The following SPEF2 variants were observed in gnomAD, a reference collection of about 807,000 sequenced individuals.
SPEF2 encodes the protein sperm flagellar and cilia associated 2.
SPEF2 carries 187 observed loss-of-function variants against 224.6 expected under a neutral mutation model. The observed-to-expected ratio is 0.83, with a 90% CI of 0.74 to 0.94. The LOEUF is 0.94. SPEF2 is among the 40% of genes least tolerant of loss of function. SPEF2 has a pLI of 0.00. For synonymous variants in SPEF2, 715 were observed against 707.3 expected (o/e 1.01, Z -0.17); for missense variants, 2,170 against 2,135.6 (o/e 1.02, Z -0.32).
intron 21 of SPEF2, 47 bp from the exon 22 acceptor site, chr5:35,739,872 G>T: frequency 2.5e-6 from 4 of 1,603,382 alleles, no homozygotes; most frequent in South Asian, 2.3e-5. Context: ...TTATTCAGAA[G>T]AACTTTCATT....
chr5:35,741,901 T>G (rs1747710019), intron 23 of SPEF2, among the ~76,000 whole-genome samples: 1 of 152,344 alleles, frequency 6.6e-6, no homozygotes, highest in South Asian at 2.1e-4. Flanking sequence ...AGGTGATTGT[T>G]GGCAGAGAAT....
intron 10 of SPEF2, chr5:35,671,516 A>G: frequency 1.0e-6 from 1 of 983,452 alleles, no homozygotes; most frequent in Non-Finnish European, 1.2e-6. Context: ...CTTTGACAGT[A>G]TCAACCTGTG....
intron 30 of SPEF2, among the ~76,000 whole-genome samples, chr5:35,783,423 A>G (rs987547992): frequency 6.6e-6 from 1 of 152,202 alleles, no homozygotes; most frequent in Non-Finnish European, 1.5e-5. Flanking sequence ...TATGAAGATT[A>G]AAGTAATTAA....
At chr5:35,765,869 G>A (rs959774703) in intron 26 of SPEF2, among the ~76,000 whole-genome samples, 1 of 151,930 alleles carries the variant, frequency 6.6e-6, no homozygotes, top group African/African-American at 2.4e-5. Flanking sequence ...ATTCTCAAAT[G>A]CTTTTTCTGC....
intron 28 of SPEF2, 111 bp downstream of exon 28, chr5:35,774,132 A>G: frequency 7.2e-7 from 1 of 1,391,832 alleles, no homozygotes; most frequent in South Asian, 1.4e-5. Context: ...GAGAACATAC[A>G]GCAAAGAGGT....
At chr5:35,702,808 T>C (rs1281253647) in intron 16 of SPEF2, among the ~76,000 whole-genome samples, 4 of 152,212 alleles carry the variant, frequency 2.6e-5, no homozygotes, top group African/African-American at 9.6e-5. Flanking sequence ...TACAAGTTTT[T>C]GTTGAGTATA....
intron 25 of SPEF2, among the ~76,000 whole-genome samples, chr5:35,762,096 G>A (rs1006837697): frequency 8.6e-5 from 13 of 152,044 alleles, no homozygotes; most frequent in African/African-American, 3.1e-4. Context: ...CACAATGATA[G>A]TAATAACTCT....
intron 2 of SPEF2, among the ~76,000 whole-genome samples, chr5:35,638,316 GTC>G (rs1272180375): frequency 6.6e-6 from 1 of 151,602 alleles, no homozygotes; most frequent in African/African-American, 2.4e-5. Flanking sequence ...AAGTGTTCCA[GTC>G]TCTCTGTTGC....
intron 8 of SPEF2, among the ~76,000 whole-genome samples, chr5:35,660,319 A>G (rs774924437): frequency 2.6e-5 from 4 of 152,180 alleles, no homozygotes; most frequent in Non-Finnish European, 5.9e-5. Context: ...TTACTATCAT[A>G]AGATATTCAC....
intron 12 of SPEF2, among the ~76,000 whole-genome samples, chr5:35,693,776 A>C (rs771802920): frequency 2.0e-5 from 3 of 152,224 alleles, no homozygotes; most frequent in Non-Finnish European, 4.4e-5. Flanking sequence ...CATAGCCTGC[A>C]AAAATAAATA....
chr5:35,730,721 G>T (rs1745508695), intron 21 of SPEF2, among the ~76,000 whole-genome samples: 1 of 152,120 alleles, frequency 6.6e-6, no homozygotes, highest in Non-Finnish European at 1.5e-5. Context: ...TAATAAAGGA[G>T]GTGTAATAGT....
intron 9 of SPEF2, among the ~76,000 whole-genome samples, chr5:35,667,921 GT>G (rs1750731676): frequency 6.6e-6 from 1 of 151,986 alleles, no homozygotes; most frequent in Non-Finnish European, 1.5e-5. Context: ...ATTCACCCTT[GT>G]TAGTCATTAG....
intron 1 of SPEF2, 31 bp downstream of exon 1, chr5:35,618,086 G>C: frequency 6.4e-7 from 1 of 1,567,988 alleles, no homozygotes. Flanking sequence ...GCGAGCGTCT[G>C]AGGGGCTAGC....
At chr5:35,761,106 A>G (rs1751226485) in intron 25 of SPEF2, among the ~76,000 whole-genome samples, 1 of 152,202 alleles carries the variant, frequency 6.6e-6, no homozygotes, top group African/African-American at 2.4e-5. Context: ...GCAGTGTACC[A>G]TATTTTTAGA....
chr5:35,694,894 G>A (rs1394663851), intron 13 of SPEF2, among the ~76,000 whole-genome samples: 2 of 152,182 alleles, frequency 1.3e-5, no homozygotes, highest in Non-Finnish European at 2.9e-5. Context: ...CTGGGCTGCA[G>A]TCCTTCAGAT....
At chr5:35,665,115 A>G (rs772360598) in intron 8 of SPEF2, among the ~76,000 whole-genome samples, 10 of 152,124 alleles carry the variant, frequency 6.6e-5, no homozygotes, top group Non-Finnish European at 1.5e-4. Flanking sequence ...AATTCTTTCA[A>G]CGACCATAAG....
At chr5:35,629,298 C>T (rs1309685442) in intron 2 of SPEF2, among the ~76,000 whole-genome samples, 2 of 151,270 alleles carry the variant, frequency 1.3e-5, no homozygotes, top group South Asian at 4.2e-4. Flanking sequence ...GGACTACAGG[C>T]GCCTGCCACC....
chr5:35,671,917 C>A (rs1027594967), intron 10 of SPEF2, among the ~76,000 whole-genome samples: 1 of 151,724 alleles, frequency 6.6e-6, no homozygotes, highest in Non-Finnish European at 1.5e-5. Flanking sequence ...AAGCTCCCTT[C>A]GACACCATAA....
chr5:35,643,971 G>A (rs889446691), intron 3 of SPEF2, among the ~76,000 whole-genome samples: 3 of 152,090 alleles, frequency 2.0e-5, no homozygotes, highest in African/African-American at 7.2e-5. Flanking sequence ...GAGTGGCTAA[G>A]CAATGGGAAG....
Sources: allele counts gnomAD v4.1 joint callset (sites outside exome capture counted in the v4.1 genomes callset), GRCh38; gene constraint gnomAD v4.1.1; transcripts MANE v1.5; gene names NCBI Gene and HGNC (gene_info 2026-07-23, HGNC 2026-07-21).